The following GAS7 variants were observed in gnomAD, a reference collection of about 807,000 sequenced individuals.
GAS7 encodes growth arrest specific 7.
In GAS7, 28 loss-of-function variants were observed where a neutral mutation model predicts 71.1. The ratio of observed to expected loss-of-function variants is 0.39; its 90% CI spans 0.29 to 0.54. The LOEUF is 0.54. Ranked by LOEUF, GAS7 falls within the 20% of genes least tolerant of loss-of-function variation. The probability of loss-of-function intolerance (pLI) is 0.62; values close to 1 mark genes in which losing one functional copy is unlikely to be tolerated. For missense variants in GAS7, 436 were observed against 627.8 expected (o/e 0.69, Z 3.27); for synonymous variants, 258 against 245.8 (o/e 1.05, Z -0.46).
chr17:10,063,290 G>T (rs1227679703), intron 1 of GAS7, among the ~76,000 whole-genome samples: 1 of 152,246 alleles, frequency 6.6e-6, no homozygotes, highest in Non-Finnish European at 1.5e-5. Flanking sequence ...GCACGCGTTT[G>T]TGTGTCTGTG....
At chr17:10,037,357 A>G (rs1003011) in intron 1 of GAS7, among the ~76,000 whole-genome samples, 7,617 of 152,300 alleles carry the variant, frequency 0.05, 280 homozygotes, top group South Asian at 0.082. Context: ...TTTTTGGAGC[A>G]GCTGACTATT....
Position 9,926,233 on chromosome 17 carries a change from G to A in GAS7, c.1014+408C>T, listed in dbSNP as rs957064766. ...TGGAGGTGAGACCACCCAGGACTCA[G>A]CCTCATCCCTGAGCAGGAAGGAGAG... is the stretch of plus-strand genomic sequence containing the variant. On this transcript the variant is annotated intron_variant, in intron 10 of 13. Coordinates refer to ENST00000432992, the MANE Select transcript of GAS7 (RefSeq NM_201433.2). The surrounding 1 kb of genome is among the most constrained non-coding windows in gnomAD (Gnocchi z 5.0). Among the ~76,000 whole-genome samples, 10 of 152,178 alleles carry A rather than the reference G, an allele frequency of 6.6e-5. No individual in the cohort carries two copies. Among genetic ancestry groups the A allele is most frequent in the African/African-American group, 2.4e-4 (10 of 41,454 alleles).
chr17:10,183,471 T>C (rs1307657307), intron 1 of GAS7, among the ~76,000 whole-genome samples: 1 of 151,846 alleles, frequency 6.6e-6, no homozygotes, highest in Non-Finnish European at 1.5e-5. Flanking sequence ...ACTTACAGAG[T>C]GTGTGTGTAC....
At chr17:9,962,984 G>C (rs2069558259) in intron 4 of GAS7, among the ~76,000 whole-genome samples, 3 of 148,584 alleles carry the variant, frequency 2.0e-5, no homozygotes, top group African/African-American at 7.5e-5. Flanking sequence ...AAGAACGCAG[G>C]TTATTCTATA....
intron 1 of GAS7, among the ~76,000 whole-genome samples, chr17:10,038,775 C>G (rs1287975197): frequency 2.7e-5 from 4 of 148,880 alleles, no homozygotes; most frequent in Middle Eastern, 3.5e-3. Flanking sequence ...TCTCGGCTCA[C>G]TGCAAGCTCC....
chr17:10,173,594 C>G (rs2074350996), intron 1 of GAS7, among the ~76,000 whole-genome samples: 2 of 152,110 alleles, frequency 1.3e-5, no homozygotes, highest in Non-Finnish European at 2.9e-5. Flanking sequence ...CGGTGAAACC[C>G]CGTCTCTACT....
At position 9,935,503 on chromosome 17, in the gene GAS7, A is replaced by C. The variant is rs371989884; in HGVS notation, c.807-1259T>G. 7.6e-4 allele frequency among the ~76,000 whole-genome samples: 116 copies of C among 152,350 alleles called. 1 individual carries two copies. Among genetic ancestry groups the C allele is most frequent in the African/African-American group, 2.7e-3 (112 of 41,588 alleles). ...ATGTTCTGTTGACTTAATATCATCC[A>C]AAAGCCACTTCCCCCAGAGAATTCA... On this transcript the variant is annotated intron_variant, in intron 8 of 13. Coordinates refer to ENST00000432992, the MANE Select transcript of GAS7 (RefSeq NM_201433.2).
intron 1 of GAS7, chr17:10,059,715 T>G: frequency 2.0e-6 from 2 of 985,460 alleles, no homozygotes; most frequent in Non-Finnish European, 2.4e-6. Context: ...TGTGTCCTTA[T>G]GCAAATCTGA....
intron 2 of GAS7, among the ~76,000 whole-genome samples, chr17:10,005,462 C>T (rs1317378670): frequency 6.6e-6 from 1 of 151,296 alleles, no homozygotes; most frequent in Non-Finnish European, 1.5e-5. Flanking sequence ...ACCCACAGAA[C>T]TAAACACGGA....
chr17:10,086,245 T>G (rs1458231578), intron 1 of GAS7, among the ~76,000 whole-genome samples: 1 of 152,246 alleles, frequency 6.6e-6, no homozygotes, highest in Non-Finnish European at 1.5e-5. Context: ...CAACAAAGCA[T>G]GCTCACTGTT....
chr17:10,097,123 A>C (rs925130327), intron 1 of GAS7, among the ~76,000 whole-genome samples: 3 of 152,122 alleles, frequency 2.0e-5, no homozygotes, highest in African/African-American at 7.2e-5. Context: ...TTCCCTCTCT[A>C]GTCTTGGGGA....
chr17:9,955,468 C>T (rs2069194162), intron 5 of GAS7, among the ~76,000 whole-genome samples: 1 of 152,234 alleles, frequency 6.6e-6, no homozygotes, highest in Non-Finnish European at 1.5e-5. Context: ...TCATTGAATC[C>T]TCACAACAGC....
At chr17:9,987,204 T>A (rs765460560) in intron 2 of GAS7, among the ~76,000 whole-genome samples, 20 of 152,194 alleles carry the variant, frequency 1.3e-4, no homozygotes, top group Non-Finnish European at 2.2e-4. Context: ...AACAGAGCCA[T>A]GGCCACACAG....
chr17:10,136,842 G>T (rs1229823030), intron 1 of GAS7, among the ~76,000 whole-genome samples: 1 of 152,178 alleles, frequency 6.6e-6, no homozygotes, highest in Non-Finnish European at 1.5e-5. Context: ...AATCTGGCCA[G>T]GCATCGTGGC....
At chr17:10,022,118 G>A (rs1317038901) in intron 1 of GAS7, among the ~76,000 whole-genome samples, 2 of 152,144 alleles carry the variant, frequency 1.3e-5, no homozygotes, top group Non-Finnish European at 2.9e-5. Flanking sequence ...TTAGCCGGGT[G>A]TGGTGGCATA....
chr17:10,078,807 G>A lies in GAS7; in HGVS notation c.184-58910C>T, dbSNP rs571386926. Among the ~76,000 whole-genome samples the A allele has an allele frequency of 4.5e-4, 68 of 152,246 alleles. 1 individual carries two copies. Among genetic ancestry groups the A allele is most frequent in the Admixed American group, 3.2e-3 (49 of 15,290 alleles). On this transcript the variant is annotated intron_variant, in intron 1 of 13. Coordinates refer to ENST00000432992, the MANE Select transcript of GAS7 (RefSeq NM_201433.2). ...CTCATGCCTATAATCCCAGTGCTTC[G>A]GGAGGCCAAGGCGGGAGGACTGCTT...
chr17:9,954,040 G>A (rs1311725584), intron 5 of GAS7, among the ~76,000 whole-genome samples: 1 of 152,222 alleles, frequency 6.6e-6, no homozygotes, highest in East Asian at 1.9e-4. Flanking sequence ...AGGGTCCAGG[G>A]GAGGAATCTT....
At chr17:9,962,339 A>T (rs1022837066) in intron 4 of GAS7, among the ~76,000 whole-genome samples, 13 of 152,198 alleles carry the variant, frequency 8.5e-5, no homozygotes, top group Non-Finnish European at 1.3e-4. Flanking sequence ...CAGTGACAAC[A>T]TCTACTGGCT....
rs540581476 is a variant in GAS7 at position 9,999,657 on chromosome 17, T to C, written c.305-17773A>G. On this transcript the variant is annotated intron_variant, in intron 2 of 13. Coordinates refer to ENST00000432992, the MANE Select transcript of GAS7 (RefSeq NM_201433.2). Reference sequence around the variant, plus strand: ...TGTGGCCACAAAGCCACTTGTAAACTTGCTGGATTCCCAAGGAAGAGGATG... The same window carrying C: ...TGTGGCCACAAAGCCACTTGTAAACCTGCTGGATTCCCAAGGAAGAGGATG... 3.3e-5 allele frequency among the ~76,000 whole-genome samples: 5 copies of C among 152,274 alleles called. No homozygotes were observed. The South Asian group carries it at 8.3e-4, about 25-fold the overall frequency.
Sources: gnomAD v4.1 joint callset for allele counts (sites outside exome capture counted in the v4.1 genomes callset) on GRCh38, gnomAD v4.1.1 for gene constraint, Gnocchi (gnomAD v3.1) non-coding constraint, MANE v1.5 for transcripts, NCBI Gene and HGNC (gene_info 2026-07-23, HGNC 2026-07-21) for gene names.